The following DNM1L variants were observed in gnomAD, a reference collection of about 807,000 sequenced individuals.
DNM1L encodes dynamin-1-like protein.
In DNM1L, 33 loss-of-function variants were observed where a neutral mutation model predicts 92.8. The ratio of observed to expected loss-of-function variants is 0.36; its 90% CI spans 0.27 to 0.48. The LOEUF is 0.48. Ranked by LOEUF, DNM1L falls within the 20% of genes least tolerant of loss-of-function variation. DNM1L has a pLI of 0.99. For missense variants in DNM1L, 485 were observed against 888.8 expected, an observed-to-expected ratio of 0.55 and a Z score of 5.78; for synonymous variants, 284 against 305.0, an observed-to-expected ratio of 0.93 and a Z score of 0.72.
chr12:32,715,738 A>G (rs11052200), intron 6 of DNM1L, among the ~76,000 whole-genome samples: 1 of 151,312 alleles, frequency 6.6e-6, no homozygotes, highest in Non-Finnish European at 1.5e-5. Context: ...TCAAAAAAAA[A>G]GAAAAATGCT....
At chr12:32,738,382 G>C in intron 16 of DNM1L, 86 bp downstream of exon 16, 2 of 1,394,284 alleles carry the variant, frequency 1.4e-6, no homozygotes, top group Non-Finnish European at 2.0e-6. Flanking sequence ...GAACCTGTTT[G>C]TGTAGTGGTA....
At chr12:32,719,609 G>T (rs1460322898) in intron 7 of DNM1L, among the ~76,000 whole-genome samples, 1 of 151,244 alleles carries the variant, frequency 6.6e-6, no homozygotes. Flanking sequence ...TAATAGATTG[G>T]TTTAATCCCT....
At position 32,701,400 on chromosome 12, in the gene DNM1L, A is replaced by G. The variant is rs1952693575; in HGVS notation, c.103-15A>G. On this transcript the variant is annotated splice_polypyrimidine_tract_variant and intron_variant, in intron 1 of 19. Transcript: ENST00000549701. ...TAAGAAACTCATTTTGCTCTTGTAT[A>G]TATTCTGTTTTCAGAGCAGCGGAAA... 6.2e-7 allele frequency: 1 copy of G among 1,612,602 alleles called. No homozygotes were observed. Among genetic ancestry groups the G allele is most frequent in the Non-Finnish European group, 8.5e-7 (1 of 1,178,874 alleles).
intron 9 of DNM1L, among the ~76,000 whole-genome samples, chr12:32,723,693 CAAA>C (rs1172541097): frequency 0.03 from 1,701 of 56,042 alleles, 41 homozygotes; most frequent in African/African-American, 0.074. Context: ...GACTCTGTCT[CAAA>C]AAAAAAAAAA....
At chr12:32,713,468 T>C in intron 6 of DNM1L, 97 bp downstream of exon 6, 1 of 1,292,152 alleles carries the variant, frequency 7.7e-7, no homozygotes, top group Non-Finnish European at 1.1e-6. Flanking sequence ...TATCTCTGGT[T>C]TTGAATACAA....
intron 19 of DNM1L, 55 bp from the exon 20 acceptor site, chr12:32,743,299 G>C: frequency 6.6e-7 from 1 of 1,518,218 alleles, no homozygotes; most frequent in South Asian, 1.1e-5. Flanking sequence ...GCGTAATTCA[G>C]ATTAATTTCA....
rs1194600737 is a variant in DNM1L, at chr12:32,717,258, G to GTA, written c.620-1376_620-1375dup. Among the ~76,000 whole-genome samples the GTA allele has an allele frequency of 4.2e-3, 381 of 91,642 alleles. 3 individuals carry two copies. Among genetic ancestry groups the GTA allele is most frequent in the Non-Finnish European group, 6.4e-3 (324 of 50,244 alleles). 60.1% of individuals were successfully genotyped at this position (91,642 alleles called of 152,430 possible). On this transcript the variant is annotated intron_variant, in intron 6 of 19. Coordinates refer to ENST00000549701, the MANE Select transcript of DNM1L (RefSeq NM_012062.5). ...ATATATTTTATATATAGTATATATA[G>GTA]TATATATATACTATATATTATATAT... is the stretch of plus-strand genomic sequence containing the variant.
intron 1 of DNM1L, among the ~76,000 whole-genome samples, chr12:32,690,862 CAG>C (rs1952200480): frequency 1.3e-5 from 2 of 152,116 alleles, no homozygotes; most frequent in Non-Finnish European, 1.5e-5. Flanking sequence ...TACAAAATGT[CAG>C]AATACAATCT....
Position 32,742,629 on chromosome 12 carries a change from A to G in DNM1L, c.2035A>G (p.Lys679Glu). Residue 679 changes from lysine to glutamate, a missense_variant, in exon 19 of 20, where the codon AAA (lysine) becomes GAA (glutamate). By Grantham distance (56) the Lys-to-Glu change is moderately conservative. Transcript: ENST00000549701. ...AVMHFLVNHV[K>E]DTLQSELVGQ... ...AATGCATTTTTTGGTTAATCATGTG[A>G]AAGACACTCTTCAGAGTGAGCTAGT... The G allele has an allele frequency of 6.2e-7, 1 of 1,614,134 alleles. No individual in the cohort carries two copies. Among genetic ancestry groups the G allele is most frequent in the Non-Finnish European group, 8.5e-7 (1 of 1,180,018 alleles).
chr12:32,708,058 C>G, intron 3 of DNM1L, 95 bp from the exon 4 acceptor site: 5 of 672,650 alleles, frequency 7.4e-6, no homozygotes, highest in Non-Finnish European at 8.0e-6. Flanking sequence ...GAAGCAAATA[C>G]ATAGACATCC....
At chr12:32,701,392 T>C (rs1952692985) in intron 1 of DNM1L, 23 bp from the exon 2 acceptor site, 4 of 1,610,930 alleles carry the variant, frequency 2.5e-6, no homozygotes, top group Non-Finnish European at 3.4e-6. Flanking sequence ...CTCATTTTGC[T>C]CTTGTATATA....
chr12:32,727,252 C>A (rs894634582), intron 9 of DNM1L: 1 of 1,455,572 alleles, frequency 6.9e-7, no homozygotes. Flanking sequence ...TACTTCCTTT[C>A]AAGATCGTGA....
chr12:32,742,406 G>C (rs1955371892), intron 18 of DNM1L, among the ~76,000 whole-genome samples, 183 bp from the exon 19 acceptor site: 1 of 152,114 alleles, frequency 6.6e-6, no homozygotes, highest in Non-Finnish European at 1.5e-5. Context: ...GCCTGGCCGA[G>C]AACTGCTTTT....
chr12:32,721,654 T>C (rs1489243618), intron 8 of DNM1L, among the ~76,000 whole-genome samples: 1 of 152,182 alleles, frequency 6.6e-6, no homozygotes, highest in Non-Finnish European at 1.5e-5. Context: ...GGATTCTAGC[T>C]GAATGTCCTT....
At chr12:32,713,962 G>A (rs1416317434) in intron 6 of DNM1L, among the ~76,000 whole-genome samples, 1 of 152,156 alleles carries the variant, frequency 6.6e-6, no homozygotes, top group African/African-American at 2.4e-5. Flanking sequence ...CTTTCATGAA[G>A]CATTTTAGCC....
At chr12:32,708,280 T>G in intron 4 of DNM1L, 56 bp downstream of exon 4, 1 of 1,141,662 alleles carries the variant, frequency 8.8e-7, no homozygotes, top group South Asian at 1.3e-5. Flanking sequence ...ATAATTGAGG[T>G]ATTCTGTACA....
chr12:32,684,911 A>C (rs185520793), intron 1 of DNM1L, among the ~76,000 whole-genome samples: 301 of 150,998 alleles, frequency 2.0e-3, no homozygotes, highest in African/African-American at 7.0e-3. Context: ...CTCTGCGAAC[A>C]TTCGTTTACA....
At chr12:32,733,031 T>C (rs1592667976) in intron 12 of DNM1L, among the ~76,000 whole-genome samples, 1 of 151,912 alleles carries the variant, frequency 6.6e-6, no homozygotes, top group African/African-American at 2.4e-5. Context: ...ACCTGGGAGG[T>C]GGAGGCTGCG....
chr12:32,743,264 A>G (rs116426943), intron 19 of DNM1L, 90 bp from the exon 20 acceptor site: 1 of 1,146,896 alleles, frequency 8.7e-7, no homozygotes, highest in Non-Finnish European at 1.3e-6. Context: ...TAAACCTACC[A>G]CATATATATT....
Sources: allele counts gnomAD v4.1 joint callset (sites outside exome capture counted in the v4.1 genomes callset), GRCh38; gene constraint gnomAD v4.1.1; transcripts MANE v1.5; gene names NCBI Gene and HGNC (gene_info 2026-07-23, HGNC 2026-07-21).